CSMD1: variants seen among roughly 807,000 people sequenced by gnomAD.
The protein encoded by CSMD1 is CUB and sushi domain-containing protein 1.
CSMD1 carries 213 observed loss-of-function variants against 417.5 expected under a neutral mutation model. The observed-to-expected ratio is 0.51, with a 90% CI of 0.46 to 0.57. The LOEUF is 0.57. CSMD1 is among the 20% of genes least tolerant of loss of function. The probability of loss-of-function intolerance (pLI) is 0.00; values close to 1 mark genes in which losing one functional copy is unlikely to be tolerated. For missense variants in CSMD1, 6,923 were observed against 4,529.7 expected, an observed-to-expected ratio of 1.53 and a Z score of -15.17; for synonymous variants, 2,862 against 1,736.8, an observed-to-expected ratio of 1.65 and a Z score of -16.11.
intron 1 of CSMD1, among the ~76,000 whole-genome samples, chr8:4,874,932 T>G (rs1211180033): frequency 6.6e-6 from 1 of 151,014 alleles, no homozygotes; most frequent in African/African-American, 2.4e-5. Context: ...TCCACAAGCT[T>G]TATTTTTCAT....
At chr8:4,672,148 G>C (rs939112230) in intron 1 of CSMD1, among the ~76,000 whole-genome samples, 3 of 152,218 alleles carry the variant, frequency 2.0e-5, no homozygotes, top group African/African-American at 4.8e-5. Context: ...CTCTCACACA[G>C]TGAAATACCT....
intron 49 of CSMD1, among the ~76,000 whole-genome samples, chr8:3,078,890 C>T (rs1357221286): frequency 6.6e-6 from 1 of 152,130 alleles, no homozygotes; most frequent in African/African-American, 2.4e-5. Flanking sequence ...ATGCGAGTTC[C>T]TTTTTTGTTG....
intron 3 of CSMD1, among the ~76,000 whole-genome samples, chr8:4,265,188 A>G (rs1044686209): frequency 7.9e-5 from 12 of 152,176 alleles, no homozygotes; most frequent in Non-Finnish European, 1.6e-4. Context: ...TTTCAAAAGT[A>G]GCAAAGTGTA....
intron 1 of CSMD1, among the ~76,000 whole-genome samples, chr8:4,716,456 T>A (rs1808665725): frequency 6.6e-6 from 1 of 152,192 alleles, no homozygotes; most frequent in South Asian, 2.1e-4. Flanking sequence ...AAAAACAGAA[T>A]TTTTCAGTTA....
At position 3,482,904 on chromosome 8, in the gene CSMD1, G is replaced by A. The variant is rs28868111; in HGVS notation, c.1448+10719C>T. Among the ~76,000 whole-genome samples the A allele has an allele frequency of 2.6e-5, 4 of 152,076 alleles. No homozygotes were observed. In the South Asian group the frequency reaches 8.3e-4, roughly 31 times the overall value. Reference sequence around the variant, plus strand: ...CCATGATTCAAAGGGAAAGTCTCAAGTGAAATAAAGAAATACATAGAATGA... The same window carrying A: ...CCATGATTCAAAGGGAAAGTCTCAAATGAAATAAAGAAATACATAGAATGA... On this transcript the variant is annotated intron_variant, in intron 11 of 69. Coordinates refer to ENST00000635120, the MANE Select transcript of CSMD1 (RefSeq NM_033225.6).
intron 10 of CSMD1, among the ~76,000 whole-genome samples, chr8:3,513,246 C>G (rs1036710751): frequency 1.1e-4 from 17 of 151,982 alleles, no homozygotes; most frequent in African/African-American, 4.1e-4. Context: ...CTAGTTTTCC[C>G]CTATTTGGAA....
At chr8:3,375,559 T>A (rs897430393) in intron 18 of CSMD1, among the ~76,000 whole-genome samples, 1 of 152,124 alleles carries the variant, frequency 6.6e-6, no homozygotes, top group Non-Finnish European at 1.5e-5. Context: ...ACATTATATA[T>A]ATTTTTATGA....
At chr8:3,414,891 C>T (rs141221162) in intron 12 of CSMD1, among the ~76,000 whole-genome samples, 8 of 152,166 alleles carry the variant, frequency 5.3e-5, no homozygotes, top group African/African-American at 1.9e-4. Context: ...CGGGGATGGC[C>T]TGTATCCTAC....
intron 7 of CSMD1, among the ~76,000 whole-genome samples, chr8:3,686,502 C>G (rs1367511484): frequency 1.3e-5 from 2 of 152,112 alleles, no homozygotes; most frequent in East Asian, 3.9e-4. Context: ...TAAAAAAAAG[C>G]CAGTTACAAG....
At chr8:4,059,238 A>T (rs1377498734) in intron 3 of CSMD1, among the ~76,000 whole-genome samples, 1 of 152,160 alleles carries the variant, frequency 6.6e-6, no homozygotes, top group Non-Finnish European at 1.5e-5. Flanking sequence ...TGTTCTTTGA[A>T]ACCAAAGAGA....
chr8:4,625,341 A>C (rs943618808), intron 2 of CSMD1, among the ~76,000 whole-genome samples: 4 of 152,224 alleles, frequency 2.6e-5, no homozygotes, highest in Admixed American at 2.6e-4. Flanking sequence ...TAGAGGGTCA[A>C]GTTTCAGTGC....
chr8:4,010,370 T>C (rs1000120680), intron 4 of CSMD1, among the ~76,000 whole-genome samples: 9 of 152,226 alleles, frequency 5.9e-5, no homozygotes, highest in African/African-American at 2.2e-4. Context: ...GATTTAAACT[T>C]CGGGCCCTCT....
At chr8:3,206,948 A>G (rs1021288120) in intron 30 of CSMD1, among the ~76,000 whole-genome samples, 3 of 151,962 alleles carry the variant, frequency 2.0e-5, no homozygotes, top group African/African-American at 7.3e-5. Context: ...CATCTGTTTA[A>G]CATAGGGCAA....
intron 3 of CSMD1, among the ~76,000 whole-genome samples, chr8:4,077,218 G>A (rs932221994): frequency 1.3e-5 from 2 of 149,230 alleles, no homozygotes; most frequent in Non-Finnish European, 3.0e-5. Flanking sequence ...TGAGAGCTCT[G>A]TGAATTTCAG....
At chr8:4,274,920 T>G (rs1796389973) in intron 3 of CSMD1, among the ~76,000 whole-genome samples, 1 of 152,194 alleles carries the variant, frequency 6.6e-6, no homozygotes, top group African/African-American at 2.4e-5. Flanking sequence ...ATGTTGTGTC[T>G]TGGCCACATT....
chr8:4,402,465 T>A (rs1804707248), intron 3 of CSMD1, among the ~76,000 whole-genome samples: 2 of 152,176 alleles, frequency 1.3e-5, no homozygotes, highest in African/African-American at 2.4e-5. Flanking sequence ...CTAAGCTTCC[T>A]GGTCTCTCTG....
chr8:4,611,357 G>A (rs554655238), intron 2 of CSMD1, among the ~76,000 whole-genome samples: 3 of 152,108 alleles, frequency 2.0e-5, no homozygotes, highest in South Asian at 2.1e-4. Flanking sequence ...ATGGTTATCC[G>A]ATGCTGGGTC....
In CSMD1 at chr8:3,961,782, G is replaced by C. The variant is rs572307456; in HGVS notation, c.818+36121C>G. Among the ~76,000 whole-genome samples the C allele has an allele frequency of 5.3e-5, 8 of 152,244 alleles. No homozygotes were observed. The South Asian group carries it at 1.7e-3, about 32-fold the overall frequency. ...TGATGAAGGCATCAGCTTTGATAAT[G>C]GTGCACTGGGTTTTTAATATTTCCC... On this transcript the variant is annotated intron_variant, in intron 5 of 69. Transcript: ENST00000635120.
intron 3 of CSMD1, among the ~76,000 whole-genome samples, chr8:4,190,067 G>C (rs528323151): frequency 6.6e-6 from 1 of 151,686 alleles, no homozygotes; most frequent in Non-Finnish European, 1.5e-5. Context: ...GACCATCCTG[G>C]CTAACATGGT....
Sources: gnomAD v4.1 joint callset for allele counts (sites outside exome capture counted in the v4.1 genomes callset) on GRCh38, gnomAD v4.1.1 for gene constraint, MANE v1.5 for transcripts, NCBI Gene and HGNC (gene_info 2026-07-23, HGNC 2026-07-21) for gene names.